Variants in GDAP2 observed in about 807,000 individuals in gnomAD.
GDAP2 encodes the protein ganglioside-induced differentiation-associated protein 2.
In GDAP2, 51 loss-of-function variants were observed where a neutral mutation model predicts 67.0. That is an observed-to-expected ratio of 0.76 (90% CI 0.61 to 0.96). GDAP2 has a LOEUF of 0.96. Among genes scored for constraint, GDAP2 ranks in the 40% least tolerant of loss-of-function variants. GDAP2 has a pLI of 0.00. For synonymous variants in GDAP2, 203 were observed against 207.3 expected (o/e 0.98, Z 0.18); for missense variants, 547 against 588.3 (o/e 0.93, Z 0.73).
chr1:117,912,656 G>A lies in GDAP2; in HGVS notation c.344C>T (p.Thr115Ile). The change falls in exon 4 of 14, where the codon ACA (threonine) becomes ATA (isoleucine). Residue 115 changes from threonine to isoleucine, a missense_variant. Transcript: ENST00000369443. ...KGCRTGEAKL[T>I]KGFNLAARFI... ...CCGGGCAGCTAGATTGAATCCTTTT[G>A]TCAATTTTGCTTCACCTGTTCGGCA... 6.2e-7 allele frequency: 1 copy of A among 1,613,528 alleles called. No individual in the cohort carries two copies. The highest frequency in any genetic ancestry group is 8.5e-7 in the Non-Finnish European group (1 of 1,179,556).
At position 117,921,154 on chromosome 1, in the gene GDAP2, A is replaced by G. The variant is rs1309992616; in HGVS notation, c.-67-730T>C. Reference sequence around the variant, plus strand: ...TGCCTATGAGTCAAACATCTATTTCAGTAAAATGGTATATTCATTCATCGA... The same window carrying G: ...TGCCTATGAGTCAAACATCTATTTCGGTAAAATGGTATATTCATTCATCGA... On this transcript the variant is annotated intron_variant, in intron 1 of 13. Transcript: ENST00000369443. Among the ~76,000 whole-genome samples, 3 of 152,212 alleles carry G rather than the reference A, an allele frequency of 2.0e-5. No homozygotes were observed. The East Asian group carries it at 5.8e-4, about 29-fold the overall frequency.
intron 7 of GDAP2, among the ~76,000 whole-genome samples, chr1:117,898,854 C>A (rs999009189): frequency 3.3e-5 from 5 of 152,164 alleles, no homozygotes; most frequent in African/African-American, 1.2e-4. Context: ...CTGTCTAACA[C>A]AGACTTGACG....
Position 117,884,854 on chromosome 1 carries a change from T to C in GDAP2, c.1108-1227A>G, listed in dbSNP as rs143436528. Among the ~76,000 whole-genome samples, 272 of 146,730 alleles carry C rather than the reference T, an allele frequency of 1.9e-3. 1 individual carries two copies. Among genetic ancestry groups the C allele is most frequent in the Admixed American group, 5.8e-3 (87 of 14,906 alleles). ...TGTGTGTGTGTGTGTGTTCTGTTTG[T>C]TCGAGACAGGGTCGCTCTCTGTCAC... is the stretch of plus-strand genomic sequence containing the variant. On this transcript the variant is annotated intron_variant, in intron 10 of 13. Coordinates refer to ENST00000369443, the MANE Select transcript of GDAP2 (RefSeq NM_017686.4).
chr1:117,925,868 T>C (rs1650425368), intron 1 of GDAP2, among the ~76,000 whole-genome samples: 3 of 152,224 alleles, frequency 2.0e-5, no homozygotes, highest in Non-Finnish European at 4.4e-5. Flanking sequence ...AATCATTCAC[T>C]GTTTCCAACT....
At chr1:117,877,699 A>T in intron 13 of GDAP2, 1 of 1,060,564 alleles carries the variant, frequency 9.4e-7, no homozygotes, top group Non-Finnish European at 1.1e-6. Context: ...TTCAATCTTA[A>T]GAAAATTAGG....
rs184589628 is a variant in GDAP2, at chr1:117,876,048, G to T, written c.1446+1961C>A. On this transcript the variant is annotated intron_variant, in intron 13 of 13. Coordinates refer to ENST00000369443, the MANE Select transcript of GDAP2 (RefSeq NM_017686.4). ...TGCATGAGGGAAGAACATGAGGTTT[G>T]GGTGGCTAGGGGCAAAATGCTACAT... 2.6e-4 allele frequency among the ~76,000 whole-genome samples: 40 copies of T among 152,188 alleles called. No homozygotes were observed. In the East Asian group the frequency reaches 3.7e-3, roughly 14 times the overall value.
chr1:117,916,485 G>C (rs377090106), intron 3 of GDAP2, among the ~76,000 whole-genome samples: 1 of 152,150 alleles, frequency 6.6e-6, no homozygotes, highest in African/African-American at 2.4e-5. Context: ...TGAAGTAAAC[G>C]AACAATAAGG....
At chr1:117,913,833 G>C (rs1409950456) in intron 3 of GDAP2, among the ~76,000 whole-genome samples, 3 of 152,102 alleles carry the variant, frequency 2.0e-5, no homozygotes, top group Non-Finnish European at 4.4e-5. Flanking sequence ...GGTCTTTGGG[G>C]GTAATTAGAA....
At chr1:117,878,366 TAAG>T (rs915183288) in intron 12 of GDAP2, among the ~76,000 whole-genome samples, 11 of 152,230 alleles carry the variant, frequency 7.2e-5, no homozygotes, top group African/African-American at 2.2e-4. Flanking sequence ...CTAGAGACTA[TAAG>T]AAGAATGAGT....
chr1:117,921,388 CG>C (rs1650250318), intron 1 of GDAP2, among the ~76,000 whole-genome samples: 1 of 152,104 alleles, frequency 6.6e-6, no homozygotes, highest in South Asian at 2.1e-4. Flanking sequence ...AAGAAACAAG[CG>C]GGTATCTAAC....
chr1:117,864,877 A>G lies in GDAP2; in HGVS notation c.*5692T>C, dbSNP rs1648006547. On this transcript the variant is annotated 3_prime_UTR_variant, in exon 14 of 14. Coordinates refer to ENST00000369443, the MANE Select transcript of GDAP2 (RefSeq NM_017686.4). Reference sequence around the variant, plus strand: ...AGGATTTGTAAGAGCATTAGAAGAGACGATGAACGTTAGAGTGCCTGGACC... The same window carrying G: ...AGGATTTGTAAGAGCATTAGAAGAGGCGATGAACGTTAGAGTGCCTGGACC... 6.6e-6 allele frequency: 1 copy of G among 152,176 alleles called. No individual in the cohort carries two copies. Among genetic ancestry groups the G allele is most frequent in the African/African-American group, 2.4e-5 (1 of 41,442 alleles). The allele number at this position is 152,176 out of a possible 1,614,324, so 9.4% of individuals were successfully genotyped here.
intron 8 of GDAP2, among the ~76,000 whole-genome samples, chr1:117,891,900 T>A (rs1372789228): frequency 6.6e-6 from 1 of 152,144 alleles, no homozygotes; most frequent in African/African-American, 2.4e-5. Context: ...TTGTCCATAG[T>A]GTGAACACAG....
chr1:117,906,863 A>G (rs1191076007), intron 5 of GDAP2, among the ~76,000 whole-genome samples: 1 of 152,162 alleles, frequency 6.6e-6, no homozygotes, highest in African/African-American at 2.4e-5. Flanking sequence ...AAAGCTCCAT[A>G]AAGAAGATGC....
Position 117,920,258 on chromosome 1 carries a change from C to A in GDAP2, c.100G>T (p.Ala34Ser). Residue 34 changes from alanine to serine, a missense_variant, in exon 2 of 14, where the codon GCT becomes TCT. Coordinates refer to ENST00000369443, the MANE Select transcript of GDAP2 (RefSeq NM_017686.4). ...ACAGTGTCTTCCTGAAATATTTCAG[C>A]TGTAGTATCAGAGGAATTTAATTCA... ...QDELNSSDTT[A>S]EIFQEDTVRS... The A allele has an allele frequency of 6.2e-7, 1 of 1,606,454 alleles. No individual in the cohort carries two copies. Among genetic ancestry groups the A allele is most frequent in the Non-Finnish European group, 8.5e-7 (1 of 1,173,418 alleles).
chr1:117,929,256 G>A (rs895120545), intron 1 of GDAP2, among the ~76,000 whole-genome samples, 192 bp downstream of exon 1: 9 of 152,178 alleles, frequency 5.9e-5, no homozygotes, highest in Admixed American at 4.6e-4. Context: ...TAGAGACGGC[G>A]TCCCCGACAA....
intron 13 of GDAP2, among the ~76,000 whole-genome samples, chr1:117,872,529 T>G (rs779345473): frequency 6.6e-6 from 1 of 152,150 alleles, no homozygotes; most frequent in Non-Finnish European, 1.5e-5. Flanking sequence ...AATGAGATCA[T>G]GTCCTTTGCA....
intron 5 of GDAP2, among the ~76,000 whole-genome samples, chr1:117,910,826 A>G (rs190880507): frequency 1.1e-4 from 16 of 152,300 alleles, no homozygotes; most frequent in African/African-American, 4.8e-5. Flanking sequence ...TTTCTTCCTT[A>G]TAACTTGGTC....
intron 6 of GDAP2, among the ~76,000 whole-genome samples, chr1:117,906,258 C>T (rs1649653645): frequency 6.6e-6 from 1 of 152,130 alleles, no homozygotes; most frequent in Non-Finnish European, 1.5e-5. Flanking sequence ...CAGAACAACT[C>T]CACTTTGTAC....
intron 1 of GDAP2, among the ~76,000 whole-genome samples, chr1:117,926,326 A>G (rs891565032): frequency 1.3e-5 from 2 of 152,190 alleles, no homozygotes; most frequent in African/African-American, 4.8e-5. Context: ...ATCTTCTTTG[A>G]CATTATACCC....
Sources: gnomAD v4.1 joint callset for allele counts (sites outside exome capture counted in the v4.1 genomes callset) on GRCh38, gnomAD v4.1.1 for gene constraint, MANE v1.5 for transcripts, NCBI Gene and HGNC (gene_info 2026-07-23, HGNC 2026-07-21) for gene names.